KIAA1671: variants seen among roughly 807,000 people sequenced by gnomAD.
KIAA1671 encodes the protein KIAA1671, also known as uncharacterized protein KIAA1671.
KIAA1671 carries 52 observed loss-of-function variants against 131.2 expected under a neutral mutation model. That is an observed-to-expected ratio of 0.40 (90% CI 0.32 to 0.50). The LOEUF (loss-of-function observed/expected upper bound fraction) is 0.50, where lower values mean the gene tolerates loss of function less well. KIAA1671 is among the 20% of genes least tolerant of loss of function. KIAA1671 has a pLI of 0.73. For missense variants in KIAA1671, 2,360 were observed against 2,364.2 expected, an observed-to-expected ratio of 1.00 and a Z score of 0.04; for synonymous variants, 1,003 against 961.6, an observed-to-expected ratio of 1.04 and a Z score of -0.80.
intron 6 of KIAA1671, among the ~76,000 whole-genome samples, chr22:25,132,749 A>T (rs1449636222): frequency 1.3e-5 from 2 of 152,324 alleles, no homozygotes; most frequent in East Asian, 3.9e-4. Flanking sequence ...AGAGTTCTTC[A>T]TGGAAGCACC....
At chr22:25,177,274 G>A (rs1233768688) in intron 8 of KIAA1671, 74 bp from the exon 9 acceptor site, 8 of 1,390,730 alleles carry the variant, frequency 5.8e-6, no homozygotes, top group East Asian at 2.5e-5. Flanking sequence ...GCTGTGTACC[G>A]CCAACTGTGT....
chr22:24,965,971 C>A (rs1922285130), intron 1 of KIAA1671, among the ~76,000 whole-genome samples: 1 of 152,172 alleles, frequency 6.6e-6, no homozygotes, highest in African/African-American at 2.4e-5. Context: ...ATCCTCATAA[C>A]AACCTATGAA....
At chr22:25,132,453 T>A (rs1430241658) in intron 6 of KIAA1671, among the ~76,000 whole-genome samples, 3 of 152,186 alleles carry the variant, frequency 2.0e-5, no homozygotes, top group Non-Finnish European at 4.4e-5. Context: ...AAATCCCAGA[T>A]CTGCCAGTTA....
intron 11 of KIAA1671, among the ~76,000 whole-genome samples, chr22:25,189,351 T>A (rs1934593592): frequency 6.6e-6 from 1 of 151,946 alleles, no homozygotes; most frequent in African/African-American, 2.4e-5. Flanking sequence ...TTTTTTTTAT[T>A]TTTAATAGAG....
intron 1 of KIAA1671, chr22:25,023,916 G>C (rs375135709): frequency 7.3e-4 from 110 of 150,552 alleles, no homozygotes; most frequent in African/African-American, 2.5e-3. Flanking sequence ...TTGCACTCCA[G>C]CCTGGGTGAC....
chr22:24,976,901 C>T (rs957419758), intron 1 of KIAA1671, among the ~76,000 whole-genome samples: 2 of 140,212 alleles, frequency 1.4e-5, no homozygotes, highest in African/African-American at 2.6e-5. Flanking sequence ...GTTATTGGGT[C>T]GGGGAGGATA....
intron 1 of KIAA1671, among the ~76,000 whole-genome samples, chr22:25,016,044 G>A (rs1367080175): frequency 2.0e-5 from 3 of 149,518 alleles, no homozygotes; most frequent in East Asian, 2.0e-4. Flanking sequence ...TTTCCCAGAC[G>A]GAGTCTCGCT....
chr22:25,164,318 T>C (rs944958188), intron 6 of KIAA1671, among the ~76,000 whole-genome samples: 44 of 152,314 alleles, frequency 2.9e-4, no homozygotes, highest in African/African-American at 7.9e-4. Flanking sequence ...AAGAGCCCCA[T>C]AGCTGTTCCT....
chr22:25,149,655 G>T (rs1932971308), intron 6 of KIAA1671, among the ~76,000 whole-genome samples: 2 of 152,156 alleles, frequency 1.3e-5, no homozygotes, highest in African/African-American at 4.8e-5. Context: ...GCTTTGCCCT[G>T]CCTTGGGTCA....
At chr22:25,061,473 T>C (rs987121770) in intron 6 of KIAA1671, 1 of 152,264 alleles carries the variant, frequency 6.6e-6, no homozygotes, top group African/African-American at 2.4e-5. Context: ...GCCTCACTCA[T>C]GTCCCTAATG....
chr22:25,077,964 G>A (rs1568943120), intron 6 of KIAA1671, among the ~76,000 whole-genome samples: 3 of 152,148 alleles, frequency 2.0e-5, no homozygotes, highest in Non-Finnish European at 4.4e-5. Context: ...TCAGTGTGTG[G>A]GATCTTGATT....
At chr22:25,172,762 G>T (rs1328161993) in intron 7 of KIAA1671, among the ~76,000 whole-genome samples, 2 of 152,188 alleles carry the variant, frequency 1.3e-5, no homozygotes, top group East Asian at 3.8e-4. Flanking sequence ...AGTGATACCT[G>T]ATTATATTAT....
intron 4 of KIAA1671, 70 bp downstream of exon 4, chr22:25,032,766 C>A: frequency 1.1e-6 from 1 of 923,480 alleles, no homozygotes; most frequent in South Asian, 1.7e-5. Context: ...GAAAGAGCCT[C>A]CATGATCTTC....
chr22:24,979,150 C>A (rs1345746758), intron 1 of KIAA1671, among the ~76,000 whole-genome samples: 2 of 149,234 alleles, frequency 1.3e-5, no homozygotes, highest in African/African-American at 4.9e-5. Flanking sequence ...CGCACATCAC[C>A]ATGCCTGGCT....
At chr22:25,187,087 A>C (rs1934498776) in intron 11 of KIAA1671, among the ~76,000 whole-genome samples, 1 of 152,186 alleles carries the variant, frequency 6.6e-6, no homozygotes, top group African/African-American at 2.4e-5. Flanking sequence ...GCCTGCCCCT[A>C]GACTCCAGAG....
intron 6 of KIAA1671, among the ~76,000 whole-genome samples, chr22:25,103,161 C>T (rs113358485): frequency 0.018 from 2,660 of 151,492 alleles, 31 homozygotes; most frequent in Middle Eastern, 0.052. Context: ...GTTCAAGTCC[C>T]AGAGCCCTCT....
chr22:25,173,866 A>T (rs111521226), intron 7 of KIAA1671, among the ~76,000 whole-genome samples: 3 of 150,814 alleles, frequency 2.0e-5, no homozygotes, highest in African/African-American at 5.0e-5. Context: ...TGTAAGGTAT[A>T]GGAAATCCAG....
At chr22:25,149,041 C>A (rs868033466) in intron 6 of KIAA1671, among the ~76,000 whole-genome samples, 1 of 152,150 alleles carries the variant, frequency 6.6e-6, no homozygotes, top group Admixed American at 6.5e-5. Flanking sequence ...AGACACAGAA[C>A]TATGATTCTG....
At chr22:25,134,958 A>T (rs1932607710) in intron 6 of KIAA1671, among the ~76,000 whole-genome samples, 1 of 152,240 alleles carries the variant, frequency 6.6e-6, no homozygotes, top group South Asian at 2.1e-4. Context: ...ACATGTTAGC[A>T]GTTATCCTAA....
Sources: allele counts gnomAD v4.1 joint callset (sites outside exome capture counted in the v4.1 genomes callset), GRCh38; gene constraint gnomAD v4.1.1; transcripts MANE v1.5; gene names NCBI Gene and HGNC (gene_info 2026-07-23, HGNC 2026-07-21).